The following RIN2 variants were observed in gnomAD, a reference collection of about 807,000 sequenced individuals.
RIN2 encodes Ras and Rab interactor 2, also known as RAB5 interacting protein 2.
In RIN2, 36 loss-of-function variants were observed where a neutral mutation model predicts 78.0. The observed-to-expected ratio is 0.46, with a 90% CI of 0.35 to 0.61. RIN2 has a LOEUF of 0.61. Ranked by LOEUF, RIN2 falls within the 20% of genes least tolerant of loss-of-function variation. The pLI is 0.00. For missense variants in RIN2, 1,087 were observed against 1,159.7 expected (o/e 0.94, Z 0.91); for synonymous variants, 466 against 466.8 (o/e 1.00, Z 0.02).
intron 4 of RIN2, among the ~76,000 whole-genome samples, chr20:19,939,531 T>G (rs1319194401): frequency 6.6e-6 from 1 of 152,232 alleles, no homozygotes; most frequent in Non-Finnish European, 1.5e-5. Flanking sequence ...CTTTTGATAA[T>G]TTTGCATCTA....
intron 1 of RIN2, among the ~76,000 whole-genome samples, chr20:19,792,330 A>T (rs2034913065): frequency 6.6e-6 from 1 of 152,216 alleles, no homozygotes; most frequent in South Asian, 2.1e-4. Context: ...CAAGTATATA[A>T]CATGCTTTAC....
At chr20:19,950,067 G>A (rs1429763712) in intron 4 of RIN2, among the ~76,000 whole-genome samples, 1 of 152,166 alleles carries the variant, frequency 6.6e-6, no homozygotes, top group Non-Finnish European at 1.5e-5. Flanking sequence ...ACCTTAACCT[G>A]GTTGTCACGA....
chr20:19,896,460 T>C (rs1393544187), intron 3 of RIN2, among the ~76,000 whole-genome samples: 1 of 152,230 alleles, frequency 6.6e-6, no homozygotes, highest in Admixed American at 6.5e-5. Context: ...CATGGTTCTC[T>C]GGATGCTCAA....
At chr20:19,777,704 C>T (rs531798765) in intron 1 of RIN2, among the ~76,000 whole-genome samples, 44 of 152,316 alleles carry the variant, frequency 2.9e-4, no homozygotes, top group African/African-American at 1.0e-3. Flanking sequence ...ATTTTCTATT[C>T]ACATGGAATT....
intron 7 of RIN2, among the ~76,000 whole-genome samples, chr20:19,966,309 C>T (rs1176691046): frequency 6.7e-6 from 1 of 149,460 alleles, no homozygotes; most frequent in African/African-American, 2.4e-5. Flanking sequence ...TGCCAGAGGG[C>T]AGGAGGCACT....
At chr20:19,779,698 G>C (rs1338154129) in intron 1 of RIN2, among the ~76,000 whole-genome samples, 1 of 152,188 alleles carries the variant, frequency 6.6e-6, no homozygotes, top group African/African-American at 2.4e-5. Context: ...TATTTTTCTT[G>C]CTTGAACACT....
At position 19,882,330 on chromosome 20, in the gene RIN2, G is replaced by A. The variant is rs554973492; in HGVS notation, c.-36-7236G>A. ...GACAAAAATCTTTTTGATCAATCAT[G>A]TCTCTTTTACAAAGTTTACAAGGAA... On this transcript the variant is annotated intron_variant, in intron 2 of 12. Coordinates refer to ENST00000255006, the MANE Select transcript of RIN2 (RefSeq NM_018993.4). Among the ~76,000 whole-genome samples the A allele has an allele frequency of 5.9e-5, 9 of 152,232 alleles. No homozygotes were observed. In the South Asian group the frequency reaches 1.0e-3, roughly 18 times the overall value.
At chr20:19,845,734 A>T (rs149236489) in intron 2 of RIN2, among the ~76,000 whole-genome samples, 3,153 of 152,240 alleles carry the variant, frequency 0.021, 114 homozygotes, top group African/African-American at 0.073. Flanking sequence ...TAGTTTAATT[A>T]GATCCCATTT....
chr20:19,778,337 T>C (rs1425320620), intron 1 of RIN2, among the ~76,000 whole-genome samples: 3 of 152,340 alleles, frequency 2.0e-5, no homozygotes, highest in Middle Eastern at 3.4e-3. Context: ...ATCCTAGAAA[T>C]GTCAAAGTAT....
At chr20:19,770,510 G>A (rs911970226) in intron 1 of RIN2, among the ~76,000 whole-genome samples, 9 of 152,068 alleles carry the variant, frequency 5.9e-5, no homozygotes, top group African/African-American at 1.9e-4. Context: ...GCATTTCTAA[G>A]GGGACACAAT....
intron 2 of RIN2, among the ~76,000 whole-genome samples, chr20:19,877,120 A>G (rs1470505167): frequency 1.3e-5 from 2 of 152,188 alleles, no homozygotes; most frequent in Non-Finnish European, 2.9e-5. Flanking sequence ...AGATAAAAGC[A>G]TTAACTTCTA....
chr20:19,926,177 G>A (rs2040213265), intron 3 of RIN2, among the ~76,000 whole-genome samples: 1 of 152,182 alleles, frequency 6.6e-6, no homozygotes. Context: ...GGTTACATCT[G>A]AGTAGGTGAA....
chr20:19,786,265 G>A lies in RIN2; in HGVS notation c.-162-13357G>A, dbSNP rs146191530. ...TCTGAGGATAATTTGGAAAGAAAAA[G>A]ATAGTGCAATTTCCACCTTGCTGTC... On this transcript the variant is annotated intron_variant, in intron 1 of 12. Coordinates refer to ENST00000255006, the MANE Select transcript of RIN2 (RefSeq NM_018993.4). Among the ~76,000 whole-genome samples, 645 of 152,262 alleles carry A rather than the reference G, an allele frequency of 4.2e-3. 3 individuals carry two copies. Among genetic ancestry groups the A allele is most frequent in the African/African-American group, 0.015 (627 of 41,548 alleles).
intron 6 of RIN2, among the ~76,000 whole-genome samples, chr20:19,964,626 A>G (rs2041878767): frequency 6.6e-6 from 1 of 152,068 alleles, no homozygotes; most frequent in African/African-American, 2.4e-5. Flanking sequence ...TGCTGATACA[A>G]TCCAGACAGA....
At chr20:19,775,134 G>A (rs532288757) in intron 1 of RIN2, among the ~76,000 whole-genome samples, 72 of 152,322 alleles carry the variant, frequency 4.7e-4, no homozygotes, top group African/African-American at 1.7e-3. Flanking sequence ...TCTGGAGCTT[G>A]AAAGAGAGCT....
At chr20:19,950,232 C>A (rs894134141) in intron 4 of RIN2, among the ~76,000 whole-genome samples, 3 of 152,146 alleles carry the variant, frequency 2.0e-5, no homozygotes, top group Non-Finnish European at 2.9e-5. Context: ...CTAGAGGCAC[C>A]TTATACTTTG....
chr20:19,938,005 T>C (rs2040715943), intron 4 of RIN2, among the ~76,000 whole-genome samples: 1 of 152,236 alleles, frequency 6.6e-6, no homozygotes, highest in African/African-American at 2.4e-5. Flanking sequence ...TCCTGTCTCC[T>C]GTCAGCGTCG....
In RIN2 at chr20:20,000,905, A is replaced by G. The variant is rs529654225; in HGVS notation, c.2657A>G (p.Gln886Arg). Residue 886 changes from glutamine (Q) to arginine (R), a missense_variant, in exon 13 of 13, where the codon CAG becomes CGG. Coordinates refer to ENST00000255006, the MANE Select transcript of RIN2 (RefSeq NM_018993.4). ...AACGATCCTTATGGCATCATTTTCCAGAACGGGGAAGAAGACCTCACCACC... is the reference window on the plus strand; with the variant it reads ...AACGATCCTTATGGCATCATTTTCCGGAACGGGGAAGAAGACCTCACCACC... ...IKNDPYGIIF[Q>R]NGEEDLTTS The G allele has an allele frequency of 1.0e-4, 161 of 1,612,814 alleles. No individual in the cohort carries two copies. In the Admixed American group the frequency reaches 2.6e-3, roughly 26 times the overall value.
intron 6 of RIN2, among the ~76,000 whole-genome samples, chr20:19,963,293 G>A (rs946436485): frequency 1.3e-5 from 2 of 152,064 alleles, no homozygotes; most frequent in African/African-American, 4.8e-5. Context: ...TTTTGGGGGT[G>A]CTACAGAAAT....
Sources: gnomAD v4.1 joint callset for allele counts (sites outside exome capture counted in the v4.1 genomes callset) on GRCh38, gnomAD v4.1.1 for gene constraint, MANE v1.5 for transcripts, NCBI Gene and HGNC (gene_info 2026-07-23, HGNC 2026-07-21) for gene names.